RGPD1: variants seen among roughly 807,000 people sequenced by gnomAD.
The protein encoded by RGPD1 is RANBP2-like and GRIP domain-containing protein 1.
A neutral mutation model predicts 40.6 loss-of-function variants in RGPD1; 7 were observed. The observed-to-expected ratio is 0.17, with a 90% CI of 0.10 to 0.32. RGPD1 has a LOEUF of 0.32. Ranked by LOEUF, RGPD1 falls within the 10% of genes least tolerant of loss-of-function variation. The pLI is 1.00. For missense variants in RGPD1, 50 were observed against 472.5 expected (o/e 0.11, Z 8.29); for synonymous variants, 24 against 167.0 (o/e 0.14, Z 6.60).
intron 1 of RGPD1, among the ~76,000 whole-genome samples, chr2:86,929,474 C>A (rs1281843042): frequency 6.6e-6 from 1 of 151,784 alleles, no homozygotes; most frequent in Non-Finnish European, 1.5e-5. Context: ...AAAATAATAA[C>A]CAGGCTAGCA....
rs576478278 is a variant in RGPD1, at chr2:86,942,872, G to T, written c.72+564G>T. Among the ~76,000 whole-genome samples, 685 of 151,992 alleles carry T rather than the reference G, an allele frequency of 4.5e-3. 4 individuals are homozygous for T. Among genetic ancestry groups the T allele is most frequent in the Non-Finnish European group, 6.7e-3 (452 of 67,926 alleles). On this transcript the variant is annotated intron_variant, in intron 1 of 22. Transcript: ENST00000641458. ...GACCGCGGTGGGCGGGATACCTTTG[G>T]CGCCGGATCTTCCTCTTTCTCCCGG... is the stretch of plus-strand genomic sequence containing the variant.
intron 1 of RGPD1, chr2:86,930,461 A>G (rs1678853899): frequency 6.8e-7 from 1 of 1,462,048 alleles, no homozygotes; most frequent in African/African-American, 1.4e-5. Context: ...ATGCCCCATG[A>G]TAAGCCAACA....
rs557031207 is a variant in RGPD1 at position 86,933,152 on chromosome 2, A to G, written c.73-18144A>G. On this transcript the variant is annotated intron_variant, in intron 1 of 22. Transcript: ENST00000398193. ...ATGTATACACATATATAATATCTGG[A>G]GCAAAAATGATTATGTTGTAAGAAC... 3.0e-3 allele frequency among the ~76,000 whole-genome samples: 445 copies of G among 149,872 alleles called. 10 individuals carry two copies. The highest frequency in any genetic ancestry group is 0.01 in the African/African-American group (423 of 41,030).
intron 1 of RGPD1, among the ~76,000 whole-genome samples, chr2:86,931,574 C>T (rs1678965577): frequency 6.6e-6 from 1 of 151,900 alleles, no homozygotes; most frequent in Non-Finnish European, 1.5e-5. Flanking sequence ...AGCAAGCTTT[C>T]TCTATTATAA....
rs532457704 is a variant in RGPD1 at position 87,013,504 on chromosome 2, A to T, written c.*957A>T. Reference sequence around the variant, plus strand: ...TGATACATGGATACATGTTACATACATGATGAGACAGAGTAAGAGAATGGG... The same window carrying T: ...TGATACATGGATACATGTTACATACTTGATGAGACAGAGTAAGAGAATGGG... On this transcript the variant is annotated 3_prime_UTR_variant, in exon 23 of 23. Coordinates refer to ENST00000641458, the MANE Select transcript of RGPD1 (RefSeq NM_001382344.1). The T allele has an allele frequency of 8.0e-6, 1 of 124,530 alleles. No individual in the cohort carries two copies. The highest frequency in any genetic ancestry group is 7.8e-5 in the Admixed American group (1 of 12,762). The allele number at this position is 124,530 out of a possible 1,614,324, so 7.7% of individuals were successfully genotyped here.
At chr2:86,942,768 C>A (rs1389161104) in intron 1 of RGPD1, among the ~76,000 whole-genome samples, 1 of 151,554 alleles carries the variant, frequency 6.6e-6, no homozygotes, top group East Asian at 2.0e-4. Context: ...CTCCCTGGCG[C>A]GCTCTGTTGA....
intron 1 of RGPD1, among the ~76,000 whole-genome samples, chr2:86,923,258 C>G (rs1419495794): frequency 6.6e-6 from 1 of 151,358 alleles, no homozygotes; most frequent in East Asian, 1.9e-4. Context: ...AGGCTGGTCT[C>G]CAACTCATGA....
intron 1 of RGPD1, among the ~76,000 whole-genome samples, chr2:86,915,181 A>G (rs1393789598): frequency 6.7e-6 from 1 of 150,266 alleles, no homozygotes; most frequent in African/African-American, 2.4e-5. Flanking sequence ...CTGTAATCTC[A>G]GCTACTTGGG....
chr2:87,009,076 C>T (rs541117455), intron 22 of RGPD1, among the ~76,000 whole-genome samples: 15,158 of 145,266 alleles, frequency 0.1, 1,416 homozygotes, highest in African/African-American at 0.22. Flanking sequence ...GAGGCCGAGG[C>T]GGGCAGATCG....
intron 1 of RGPD1, among the ~76,000 whole-genome samples, chr2:86,924,392 T>C (rs1208642361): frequency 6.7e-6 from 1 of 150,372 alleles, no homozygotes; most frequent in African/African-American, 2.4e-5. Flanking sequence ...CTGGCCTCAA[T>C]AATCCGCCCA....
chr2:86,941,971 C>G (rs1157677819), upstream of RGPD1, among the ~76,000 whole-genome samples: 7 of 151,940 alleles, frequency 4.6e-5, no homozygotes, highest in Non-Finnish European at 8.8e-5. Context: ...CTCGGCCTCC[C>G]AAAGTGTTGG....
chr2:86,945,661 A>T (rs1452022475), intron 1 of RGPD1, among the ~76,000 whole-genome samples: 6 of 152,086 alleles, frequency 3.9e-5, no homozygotes, highest in Non-Finnish European at 1.5e-5. Context: ...TAATCCAAGC[A>T]CTTTGGGAGG....
intron 1 of RGPD1, among the ~76,000 whole-genome samples, chr2:86,929,424 T>C (rs1558789192): frequency 1.3e-5 from 2 of 151,920 alleles, no homozygotes. Context: ...AACTGGTCAG[T>C]GTCAGAGCGA....
intron 1 of RGPD1, among the ~76,000 whole-genome samples, chr2:86,924,628 C>G (rs985011598): frequency 3.3e-5 from 5 of 150,862 alleles, no homozygotes; most frequent in Admixed American, 1.3e-4. Context: ...TCATGCCTGG[C>G]TAATTTTTAA....
At chr2:86,924,082 ATT>A (rs879715805) in intron 1 of RGPD1, among the ~76,000 whole-genome samples, 13 of 66,980 alleles carry the variant, frequency 1.9e-4, no homozygotes, top group East Asian at 8.3e-4. Flanking sequence ...GGCTATTTCC[ATT>A]TTTTTTTTTT....
intron 1 of RGPD1, among the ~76,000 whole-genome samples, chr2:86,925,636 C>T (rs1678430973): frequency 6.6e-6 from 1 of 152,064 alleles, no homozygotes; most frequent in South Asian, 2.1e-4. Context: ...AAAATGAAGC[C>T]TATGATTTAT....
At chr2:86,942,938 C>T (rs1035070634) in intron 1 of RGPD1, among the ~76,000 whole-genome samples, 38 of 151,960 alleles carry the variant, frequency 2.5e-4, no homozygotes, top group African/African-American at 7.5e-4. Context: ...CGCCCTGGCC[C>T]GGGCTTTCTG....
chr2:86,942,539 GGGCGGC>G (rs1230618193), intron 1 of RGPD1, among the ~76,000 whole-genome samples: 6 of 68,364 alleles, frequency 8.8e-5, no homozygotes, highest in Non-Finnish European at 1.6e-4. Flanking sequence ...CGACCTGGCC[GGGCGGC>G]GGCGGCGGCC....
At chr2:86,914,041 G>A (rs1183313650) in intron 1 of RGPD1, 1 of 60,430 alleles carries the variant, frequency 1.7e-5, no homozygotes. Context: ...GGCGGCGGCG[G>A]CGGCGGCGGC....
Sources: allele counts gnomAD v4.1 joint callset (sites outside exome capture counted in the v4.1 genomes callset), GRCh38; gene constraint gnomAD v4.1.1; transcripts MANE v1.5; gene names NCBI Gene and HGNC (gene_info 2026-07-23, HGNC 2026-07-21).